RAP1B: variants seen among roughly 807,000 people sequenced by gnomAD.
RAP1B encodes RAP1B, member of RAS oncogene family, also known as ras-related protein Rap-1b.
A neutral mutation model predicts 27.5 loss-of-function variants in RAP1B; 1 was observed. The observed-to-expected ratio is 0.04, with a 90% CI of 0.01 to 0.17. The LOEUF (loss-of-function observed/expected upper bound fraction) is 0.17, where lower values mean the gene tolerates loss of function less well. Ranked by LOEUF, RAP1B falls within the 10% of genes least tolerant of loss-of-function variation. The probability of loss-of-function intolerance (pLI) is 1.00; values close to 1 mark genes in which losing one functional copy is unlikely to be tolerated. For missense variants in RAP1B, 84 were observed against 214.8 expected (o/e 0.39, Z 3.81); for synonymous variants, 75 against 73.1 (o/e 1.03, Z -0.13).
intron 1 of RAP1B, among the ~76,000 whole-genome samples, chr12:68,638,131 T>C (rs1182598744): frequency 6.6e-6 from 1 of 152,216 alleles, no homozygotes; most frequent in African/African-American, 2.4e-5. Flanking sequence ...TAGTACAGTC[T>C]GGTGACACTT....
At chr12:68,642,805 C>T in intron 1 of RAP1B, 2 of 1,033,112 alleles carry the variant, frequency 1.9e-6, no homozygotes, top group Non-Finnish European at 1.5e-6. Flanking sequence ...CCAAACCGGC[C>T]TTGGCCACGT....
chr12:68,622,962 A>G (rs527885253), intron 1 of RAP1B, among the ~76,000 whole-genome samples: 19 of 152,282 alleles, frequency 1.2e-4, no homozygotes, highest in Non-Finnish European at 2.1e-4. Context: ...CAGACTCCCA[A>G]AGTGCTGGGA....
In RAP1B at chr12:68,662,995, A is replaced by G. The variant is rs974558232; in HGVS notation, c.*3746A>G. ...AATAGAGTGAGACCCTGTCTTAGAA[A>G]AAAAAGATAAATAAGTCTGTTCTAT... On this transcript the variant is annotated 3_prime_UTR_variant, in exon 8 of 8. Coordinates refer to ENST00000250559, the MANE Select transcript of RAP1B (RefSeq NM_001010942.3). The G allele has an allele frequency of 5.3e-5, 8 of 152,136 alleles. No homozygotes were observed. The highest frequency in any genetic ancestry group is 1.9e-4 in the African/African-American group (8 of 41,426). The allele number at this position is 152,136 out of a possible 1,614,324, so 9.4% of individuals were successfully genotyped here. A position where few individuals can be genotyped will look rare whatever the true frequency, so the allele number is the denominator to read the frequency against.
intron 1 of RAP1B, chr12:68,626,756 A>G: frequency 9.9e-7 from 1 of 1,010,106 alleles, no homozygotes; most frequent in Non-Finnish European, 1.4e-6. Flanking sequence ...GGAAGGTAGT[A>G]TCAGAATTTT....
chr12:68,659,043 C>T (rs926630245), intron 7 of RAP1B, among the ~76,000 whole-genome samples: 6 of 152,144 alleles, frequency 3.9e-5, no homozygotes, highest in African/African-American at 1.4e-4. Flanking sequence ...CTTTCCCTTT[C>T]TGTTCCTAAG....
Position 68,670,783 on chromosome 12 carries a change from C to A in RAP1B, c.*11534C>A, listed in dbSNP as rs1189460080. 6.6e-6 allele frequency: 1 copy of A among 152,052 alleles called. No individual in the cohort carries two copies. The highest frequency in any genetic ancestry group is 6.6e-5 in the Admixed American group (1 of 15,258). 9.4% of individuals were successfully genotyped at this position (152,052 alleles called of 1,614,324 possible). ...GTGGATCATGCCTGTAATCCCAACA[C>A]TTTGGGAGGCCGAGGCGGGTGGATC... On this transcript the variant is annotated 3_prime_UTR_variant, in exon 8 of 8. Transcript: ENST00000250559.
chr12:68,647,177 C>G (rs927851218), intron 1 of RAP1B, among the ~76,000 whole-genome samples: 2 of 152,068 alleles, frequency 1.3e-5, no homozygotes, highest in Non-Finnish European at 2.9e-5. Context: ...CTCGGCTTTG[C>G]GAGTAGCTGT....
At chr12:68,636,772 G>A (rs1196832800) in intron 1 of RAP1B, among the ~76,000 whole-genome samples, 3 of 151,946 alleles carry the variant, frequency 2.0e-5, no homozygotes, top group Non-Finnish European at 2.9e-5. Flanking sequence ...TCCTGCCTCA[G>A]CCTCCGGAGT....
intron 1 of RAP1B, among the ~76,000 whole-genome samples, chr12:68,620,327 G>A (rs1409521863): frequency 6.6e-6 from 1 of 151,690 alleles, no homozygotes; most frequent in African/African-American, 2.4e-5. Flanking sequence ...AGGTTCAAGC[G>A]ATTCTCTTGC....
chr12:68,622,671 C>A (rs1871467821), intron 1 of RAP1B, among the ~76,000 whole-genome samples: 1 of 152,184 alleles, frequency 6.6e-6, no homozygotes, highest in Non-Finnish European at 1.5e-5. Flanking sequence ...TTATATTTAT[C>A]CATTTGTTTG....
chr12:68,662,034 T>TATATATATATATATA lies in RAP1B; in HGVS notation c.*2792_*2793insTATATATAATATATA, dbSNP rs1565677504. On this transcript the variant is annotated 3_prime_UTR_variant, in exon 8 of 8. Transcript: ENST00000250559. Reference sequence around the variant, plus strand: ...TATATATATATATATATATATATATTATATATAGTACATATATAGAGAGAG... The same window carrying TATATATATATATATA: ...TATATATATATATATATATATATATTATATATATATATATAATATATAGTACATATATAGAGAGAG... 6 of 127,792 alleles carry TATATATATATATATA rather than the reference T, an allele frequency of 4.7e-5. No homozygotes were observed. The highest frequency in any genetic ancestry group is 1.7e-4 in the African/African-American group (6 of 36,172). The allele number at this position is 127,792 out of a possible 1,614,324, so 7.9% of individuals were successfully genotyped here.
At chr12:68,656,566 C>T in intron 6 of RAP1B, 117 bp downstream of exon 6, 1 of 714,440 alleles carries the variant, frequency 1.4e-6, no homozygotes, top group East Asian at 3.2e-5. Flanking sequence ...ATGTTACAGG[C>T]AAAAAAAAAA....
chr12:68,666,930 TGAGTCC>T lies in RAP1B; in HGVS notation c.*7682_*7687del, dbSNP rs2135981985. ...AGTCTGGGATTAGGTGAGACTTTAA[TGAGTCC>T]ATCAGAGGTTTAGTATGGACTAGTT... On this transcript the variant is annotated 3_prime_UTR_variant, in exon 8 of 8. Coordinates refer to ENST00000250559, the MANE Select transcript of RAP1B (RefSeq NM_001010942.3). 6.6e-6 allele frequency: 1 copy of T among 152,302 alleles called. No homozygotes were observed. Among genetic ancestry groups the T allele is most frequent in the Non-Finnish European group, 1.5e-5 (1 of 68,024 alleles). The allele number at this position is 152,302 out of a possible 1,614,324, so 9.4% of individuals were successfully genotyped here.
chr12:68,642,477 G>GT (rs1873086723), intron 1 of RAP1B: 1 of 845,844 alleles, frequency 1.2e-6, no homozygotes, highest in East Asian at 2.5e-5. Context: ...TCCAGAATGT[G>GT]TAATACAAGG....
intron 1 of RAP1B, among the ~76,000 whole-genome samples, chr12:68,637,618 A>C (rs996707935): frequency 1.0e-3 from 150 of 150,620 alleles, no homozygotes; most frequent in African/African-American, 3.5e-3. Flanking sequence ...AAAAAAAAAA[A>C]AAAAAAAAAA....
rs531722803 is a variant in RAP1B at position 68,656,180 on chromosome 12, A to G, written c.325-126A>G. On this transcript the variant is annotated intron_variant, in intron 5 of 7. Coordinates refer to ENST00000250559, the MANE Select transcript of RAP1B (RefSeq NM_001010942.3). Reference sequence around the variant, plus strand: ...TTGTTAAGGCTGTAAATTTTATTATACATTATTTAATATTTTTTGTGGCAT... The same window carrying G: ...TTGTTAAGGCTGTAAATTTTATTATGCATTATTTAATATTTTTTGTGGCAT... 3.7e-6 allele frequency: 3 copies of G among 811,668 alleles called. No individual in the cohort carries two copies. The Admixed American group carries it at 9.1e-5, about 25-fold the overall frequency. 50.3% of individuals were successfully genotyped at this position (811,668 alleles called of 1,614,324 possible).
rs1272190090 is a variant in RAP1B, at chr12:68,660,455, C to CA, written c.*1208dup. On this transcript the variant is annotated 3_prime_UTR_variant, in exon 8 of 8. Coordinates refer to ENST00000250559, the MANE Select transcript of RAP1B (RefSeq NM_001010942.3). ...ACTAAAAGCCTTAATTAAAGTGGTG[C>CA]AATTTTGTATAACTTAGCATCAGTA... is the stretch of plus-strand genomic sequence containing the variant. The CA allele has an allele frequency of 1.3e-5, 2 of 152,532 alleles. No individual in the cohort carries two copies. Among genetic ancestry groups the CA allele is most frequent in the Admixed American group, 1.3e-4 (2 of 15,268 alleles). 9.4% of individuals were successfully genotyped at this position (152,532 alleles called of 1,614,324 possible).
At chr12:68,612,219 T>C (rs1870655140) in intron 1 of RAP1B, among the ~76,000 whole-genome samples, 1 of 152,254 alleles carries the variant, frequency 6.6e-6, no homozygotes, top group Non-Finnish European at 1.5e-5. Context: ...TACTTAACAA[T>C]TTAAAGCTCT....
intron 5 of RAP1B, 116 bp from the exon 6 acceptor site, chr12:68,656,190 A>G: frequency 1.1e-6 from 1 of 869,882 alleles, no homozygotes; most frequent in Non-Finnish European, 1.8e-6. Flanking sequence ...ACATTATTTA[A>G]TATTTTTTGT....
Sources: gnomAD v4.1 joint callset for allele counts (sites outside exome capture counted in the v4.1 genomes callset) on GRCh38, gnomAD v4.1.1 for gene constraint, MANE v1.5 for transcripts, NCBI Gene and HGNC (gene_info 2026-07-23, HGNC 2026-07-21) for gene names.